Variants in ZBTB8A observed in about 807,000 individuals in gnomAD.
ZBTB8A encodes zinc finger and BTB domain-containing protein 8A.
ZBTB8A carries 19 observed loss-of-function variants against 37.8 expected under a neutral mutation model. The ratio of observed to expected loss-of-function variants is 0.50; its 90% confidence interval spans 0.35 to 0.74. The LOEUF (loss-of-function observed/expected upper bound fraction) is 0.74. Among genes scored for constraint, ZBTB8A ranks in the 30% least tolerant of loss-of-function variants. The pLI is 0.01. For missense variants in ZBTB8A, 394 were observed against 537.8 expected (o/e 0.73, Z 2.65); for synonymous variants, 181 against 185.2 (o/e 0.98, Z 0.19).
intron 1 of ZBTB8A, among the ~76,000 whole-genome samples, chr1:32,548,921 C>T (rs1644128416): frequency 1.3e-5 from 2 of 152,140 alleles, no homozygotes; most frequent in South Asian, 4.2e-4. Context: ...GGCCAGGCAC[C>T]GTGGCTCATG....
chr1:32,550,145 C>T (rs1481735548), intron 1 of ZBTB8A, among the ~76,000 whole-genome samples: 2 of 151,580 alleles, frequency 1.3e-5, no homozygotes, highest in African/African-American at 4.9e-5. Context: ...ATCTCTTGAG[C>T]CCAGGAGTTC....
chr1:32,550,124 G>A (rs946526018), intron 1 of ZBTB8A, among the ~76,000 whole-genome samples: 7 of 151,894 alleles, frequency 4.6e-5, no homozygotes, highest in African/African-American at 1.5e-4. Context: ...TTGGGAGGCC[G>A]AGGTGGGCGG....
intron 4 of ZBTB8A, among the ~76,000 whole-genome samples, chr1:32,599,469 A>G (rs1348990520): frequency 6.6e-6 from 1 of 152,102 alleles, no homozygotes; most frequent in Non-Finnish European, 1.5e-5. Flanking sequence ...CTATAATCCC[A>G]GCACTTTGGG....
At chr1:32,597,776 G>A (rs910454182) in intron 4 of ZBTB8A, among the ~76,000 whole-genome samples, 1 of 152,182 alleles carries the variant, frequency 6.6e-6, no homozygotes, top group Non-Finnish European at 1.5e-5. Flanking sequence ...TTGAGACAGA[G>A]TCTCGTTCTG....
At chr1:32,562,513 C>T (rs1047755832) in intron 2 of ZBTB8A, among the ~76,000 whole-genome samples, 7 of 151,014 alleles carry the variant, frequency 4.6e-5, no homozygotes, top group African/African-American at 1.7e-4. Flanking sequence ...TCAGGTGATC[C>T]GCCTGCCTCG....
chr1:32,552,910 TA>T (rs1644168419), intron 1 of ZBTB8A, among the ~76,000 whole-genome samples: 1 of 144,960 alleles, frequency 6.9e-6, no homozygotes, highest in Non-Finnish European at 1.5e-5. Flanking sequence ...TATTATATTT[TA>T]AATCATATAT....
intron 3 of ZBTB8A, among the ~76,000 whole-genome samples, 191 bp from the exon 4 acceptor site, chr1:32,594,863 A>T (rs1165910311): frequency 6.6e-6 from 1 of 152,204 alleles, no homozygotes; most frequent in African/African-American, 2.4e-5. Flanking sequence ...TACATTGACA[A>T]TCTAGTCTTA....
intron 2 of ZBTB8A, among the ~76,000 whole-genome samples, chr1:32,563,608 G>A (rs543828633): frequency 1.0e-3 from 156 of 152,024 alleles, no homozygotes; most frequent in African/African-American, 3.5e-3. Context: ...TATTACAGGC[G>A]CCCGCCACCA....
rs79275846 is a variant in ZBTB8A at position 32,590,639 on chromosome 1, C to A, written c.-1-2292C>A. 7.6e-3 allele frequency among the ~76,000 whole-genome samples: 1,159 copies of A among 152,220 alleles called. 26 individuals are homozygous for A. Among genetic ancestry groups the A allele is most frequent in the African/African-American group, 0.026 (1,076 of 41,500 alleles). On this transcript the variant is annotated intron_variant, in intron 2 of 4. Coordinates refer to ENST00000373510, the MANE Select transcript of ZBTB8A (RefSeq NM_001040441.3). ...AAAACTTCAGCTGTATTTTATCCAG[C>A]GTCTCTAGGAATTCGTGGCAGGAAA...
rs1644602082 is a variant in ZBTB8A, at chr1:32,604,766, A to G, written c.*4347A>G. On this transcript the variant is annotated 3_prime_UTR_variant, in exon 5 of 5. Transcript: ENST00000373510. ...ATTTTGCCAAGTCATGCCAAGATAT[A>G]TTGAAATTTCCACTCATATTGGTTT... The G allele has an allele frequency of 6.6e-6, 1 of 152,194 alleles. No individual in the cohort carries two copies. Among genetic ancestry groups the G allele is most frequent in the Non-Finnish European group, 1.5e-5 (1 of 68,044 alleles). 9.4% of individuals were successfully genotyped at this position (152,194 alleles called of 1,614,324 possible). A position where few individuals can be genotyped will look rare whatever the true frequency, so the allele number is the denominator to read the frequency against.
At chr1:32,558,454 C>CAT (rs980897806) in intron 2 of ZBTB8A, among the ~76,000 whole-genome samples, 2 of 151,856 alleles carry the variant, frequency 1.3e-5, no homozygotes, top group Admixed American at 6.6e-5. Flanking sequence ...CACACACACA[C>CAT]ACACACACAC....
intron 2 of ZBTB8A, among the ~76,000 whole-genome samples, chr1:32,562,657 A>G (rs556261822): frequency 1.4e-5 from 2 of 145,656 alleles, no homozygotes; most frequent in Admixed American, 6.9e-5. Flanking sequence ...GCTCACTGCA[A>G]TCTCCACCTC....
intron 2 of ZBTB8A, among the ~76,000 whole-genome samples, chr1:32,561,884 C>T (rs1037559206): frequency 2.6e-5 from 4 of 152,258 alleles, no homozygotes; most frequent in Admixed American, 6.5e-5. Context: ...AACTCAATCC[C>T]ATGTCTCACA....
intron 2 of ZBTB8A, among the ~76,000 whole-genome samples, chr1:32,566,201 C>CAAA (rs35071920): frequency 7.1e-5 from 5 of 70,746 alleles, no homozygotes; most frequent in African/African-American, 2.2e-4. Flanking sequence ...GACTCCATCT[C>CAAA]AAAAAAAAAA....
intron 2 of ZBTB8A, among the ~76,000 whole-genome samples, chr1:32,557,092 A>C (rs1644208876): frequency 6.6e-6 from 1 of 152,132 alleles, no homozygotes; most frequent in Non-Finnish European, 1.5e-5. Flanking sequence ...ACTTGAGGTC[A>C]GGAGTTCGAG....
In ZBTB8A at chr1:32,582,030, A is replaced by G. The variant is rs112138484; in HGVS notation, c.-1-10901A>G. ...GGTGGGGACACAGCCAAACCATATT[A>G]AGCATTATTTATCATATCAAAAAAA... is the stretch of plus-strand genomic sequence containing the variant. On this transcript the variant is annotated intron_variant, in intron 2 of 4. Transcript: ENST00000373510. 2.2e-3 allele frequency among the ~76,000 whole-genome samples: 342 copies of G among 152,280 alleles called. 1 individual carries two copies. Among genetic ancestry groups the G allele is most frequent in the Non-Finnish European group, 3.1e-3 (211 of 68,022 alleles).
At chr1:32,587,111 C>T (rs1235085419) in intron 2 of ZBTB8A, among the ~76,000 whole-genome samples, 1 of 151,348 alleles carries the variant, frequency 6.6e-6, no homozygotes, top group African/African-American at 2.4e-5. Context: ...TGGTGGCAGG[C>T]GCCTGTAATC....
intron 2 of ZBTB8A, among the ~76,000 whole-genome samples, chr1:32,563,607 C>T (rs979308300): frequency 6.6e-6 from 1 of 151,972 alleles, no homozygotes; most frequent in Non-Finnish European, 1.5e-5. Flanking sequence ...GTATTACAGG[C>T]GCCCGCCACC....
rs1644601151 is a variant in ZBTB8A, at chr1:32,604,646, G to C, written c.*4227G>C. 6.6e-6 allele frequency: 1 copy of C among 152,140 alleles called. No individual in the cohort carries two copies. The allele number at this position is 152,140 out of a possible 1,614,324, so 9.4% of individuals were successfully genotyped here. A position where few individuals can be genotyped will look rare whatever the true frequency, so the allele number is the denominator to read the frequency against. On this transcript the variant is annotated 3_prime_UTR_variant, in exon 5 of 5. Coordinates refer to ENST00000373510, the MANE Select transcript of ZBTB8A (RefSeq NM_001040441.3). ...CAGTAATGCAATCAAAATAAGCATA[G>C]TTACTGTTTTCTGTACGGCTAAGTA...
Sources: allele counts gnomAD v4.1 joint callset (sites outside exome capture counted in the v4.1 genomes callset), GRCh38; gene constraint gnomAD v4.1.1; transcripts MANE v1.5; gene names NCBI Gene and HGNC (gene_info 2026-07-23, HGNC 2026-07-21).